The following TMTC3 variants were observed in gnomAD, a reference collection of about 807,000 sequenced individuals.
TMTC3 encodes the protein protein O-mannosyl-transferase TMTC3.
In TMTC3, 52 loss-of-function variants were observed where a neutral mutation model predicts 92.2. The ratio of observed to expected loss-of-function variants is 0.56; its 90% CI spans 0.45 to 0.71. TMTC3 has a LOEUF of 0.71. Among genes scored for constraint, TMTC3 ranks in the 30% least tolerant of loss-of-function variants. The pLI, the probability that TMTC3 is intolerant of heterozygous loss-of-function variation, is 0.00. For synonymous variants in TMTC3, 339 were observed against 363.3 expected (o/e 0.93, Z 0.76); for missense variants, 896 against 1,057.1 (o/e 0.85, Z 2.11).
chr12:88,173,392 T>C (rs1427319955), intron 8 of TMTC3, among the ~76,000 whole-genome samples: 1 of 152,002 alleles, frequency 6.6e-6, no homozygotes. Context: ...TCTTTCACTT[T>C]CCTATTTTCC....
rs1438650740 is a variant in TMTC3 at position 88,197,428 on chromosome 12, C to T, written c.*1779C>T. 5.9e-5 allele frequency: 9 copies of T among 152,066 alleles called. No homozygotes were observed. The highest frequency in any genetic ancestry group is 1.0e-4 in the Non-Finnish European group (7 of 67,802). 9.4% of individuals were successfully genotyped at this position (152,066 alleles called of 1,614,324 possible). A position where few individuals can be genotyped will look rare whatever the true frequency, so the allele number is the denominator to read the frequency against. ...TAAAAGATGGAGAATACCTCATGTA[C>T]TGTGACTTGAAAATGAATTCTTAAA... On this transcript the variant is annotated 3_prime_UTR_variant, in exon 14 of 14. Transcript: ENST00000266712.
rs756064214 is a variant in TMTC3 at position 88,160,703 on chromosome 12, A to G, written c.649A>G (p.Thr217Ala). ...GTATACTTTGCCATTACTATGTACT[A>G]CTGCTGGACAGTTTCTCCGTGGAAA... Reference protein sequence around the residue: ...QGYTLPLLCTTAGQFLRGKGS... With the variant: ...QGYTLPLLCTAAGQFLRGKGS... Residue 217 changes from threonine to alanine, a missense_variant, in exon 6 of 14, where the codon ACT becomes GCT. Coordinates refer to ENST00000266712, the MANE Select transcript of TMTC3 (RefSeq NM_181783.4). 3.1e-6 allele frequency: 5 copies of G among 1,613,352 alleles called. No individual in the cohort carries two copies. Among genetic ancestry groups the G allele is most frequent in the South Asian group, 2.2e-5 (2 of 90,912 alleles).
chr12:88,169,769 C>T (rs1016846552), intron 7 of TMTC3, among the ~76,000 whole-genome samples: 1 of 151,832 alleles, frequency 6.6e-6, no homozygotes, highest in Non-Finnish European at 1.5e-5. Flanking sequence ...TGAGATCCCA[C>T]CTCTAAAAAA....
At chr12:88,163,218 G>C (rs1481488973) in intron 6 of TMTC3, among the ~76,000 whole-genome samples, 1 of 152,068 alleles carries the variant, frequency 6.6e-6, no homozygotes, top group Admixed American at 6.6e-5. Context: ...ACCCAGCCCA[G>C]TCTTGCTTTT....
chr12:88,160,913 A>T, intron 6 of TMTC3, 62 bp downstream of exon 6: 1 of 1,450,164 alleles, frequency 6.9e-7, no homozygotes, highest in Non-Finnish European at 9.4e-7. Flanking sequence ...TTTAATGATC[A>T]TAAATGTTGA....
At chr12:88,142,711 A>G (rs918118506) in intron 1 of TMTC3, among the ~76,000 whole-genome samples, 6 of 152,170 alleles carry the variant, frequency 3.9e-5, no homozygotes, top group African/African-American at 1.4e-4. Flanking sequence ...ATCTGTCTTG[A>G]TAGTTAGAGT....
chr12:88,147,881 C>A (rs1441919810), intron 1 of TMTC3, among the ~76,000 whole-genome samples: 1 of 151,936 alleles, frequency 6.6e-6, no homozygotes, highest in African/African-American at 2.4e-5. Context: ...AATTTTGTGC[C>A]CAGTAGAAAA....
Position 88,160,725 on chromosome 12 carries a change from G to C in TMTC3, c.671G>C (p.Gly224Ala). 6.2e-7 allele frequency: 1 copy of C among 1,613,642 alleles called. No individual in the cohort carries two copies. Among genetic ancestry groups the C allele is most frequent in the South Asian group, 1.1e-5 (1 of 91,042 alleles). ...LCTTAGQFLR[G>A]KGSIPFSMLQ... Reference sequence around the variant, plus strand: ...ACTACTGCTGGACAGTTTCTCCGTGGAAAGGGTAGCATTCCATTTTCTATG... The same window carrying C: ...ACTACTGCTGGACAGTTTCTCCGTGCAAAGGGTAGCATTCCATTTTCTATG... Residue 224 changes from glycine (G) to alanine (A), a missense_variant, in exon 6 of 14, where the codon GGA (glycine) becomes GCA (alanine). Physicochemically the swap from Gly to Ala is moderately conservative, Grantham distance 60. Transcript: ENST00000266712.
intron 2 of TMTC3, among the ~76,000 whole-genome samples, chr12:88,152,370 A>C (rs1251967242): frequency 2.0e-5 from 3 of 152,090 alleles, no homozygotes; most frequent in Non-Finnish European, 4.4e-5. Context: ...TGGGGAAGAC[A>C]CCAAACCATT....
chr12:88,165,262 A>C (rs1438458980), intron 6 of TMTC3, among the ~76,000 whole-genome samples: 2 of 152,062 alleles, frequency 1.3e-5, no homozygotes, highest in African/African-American at 2.4e-5. Context: ...TTTTGACATT[A>C]ACTCTTTCTT....
In TMTC3 at chr12:88,172,578, C is replaced by CT; in HGVS notation, c.1051-17dup. 2 of 1,284,876 alleles carry CT rather than the reference C, an allele frequency of 1.6e-6. No homozygotes were observed. Among genetic ancestry groups the CT allele is most frequent in the Non-Finnish European group, 2.0e-6 (2 of 985,536 alleles). The allele number at this position is 1,284,876 out of a possible 1,614,324, so 79.6% of individuals were successfully genotyped here. ...TTAAATTTATTATAAATTATTAAAT[C>CT]TTCTTTTTTTTTTTGTAGGCGCTTT... On this transcript the variant is annotated intron_variant, in intron 7 of 13. Coordinates refer to ENST00000266712, the MANE Select transcript of TMTC3 (RefSeq NM_181783.4).
At position 88,192,830 on chromosome 12, in the gene TMTC3, G is replaced by A. The variant is rs1316669343; in HGVS notation, c.1933G>A (p.Gly645Ser). The change falls in exon 13 of 14, where the codon GGT becomes AGT. Residue 645 changes from glycine to serine, a missense_variant and splice_region_variant. Gly to Ser is a moderately conservative substitution (Grantham distance 56). Coordinates refer to ENST00000266712, the MANE Select transcript of TMTC3 (RefSeq NM_181783.4). ...CTCTGCTATAGTAATGCAAGAATCA[G>A]GTATGTTTTCTCAAAATATTTCTGT... The part of the protein sequence containing the change: ...FNSAIVMQES[G>S]EVKLRPEARK... 1 of 1,596,972 alleles carries A rather than the reference G, an allele frequency of 6.3e-7. No homozygotes were observed. Among genetic ancestry groups the A allele is most frequent in the East Asian group, 2.2e-5 (1 of 44,446 alleles).
intron 1 of TMTC3, among the ~76,000 whole-genome samples, chr12:88,147,258 C>T: frequency 6.6e-6 from 1 of 151,874 alleles, no homozygotes; most frequent in East Asian, 1.9e-4. Flanking sequence ...TTACTTTTTT[C>T]TTCTATTAAT....
intron 9 of TMTC3, among the ~76,000 whole-genome samples, chr12:88,175,581 T>A (rs1375676540): frequency 1.3e-5 from 2 of 152,162 alleles, no homozygotes; most frequent in African/African-American, 4.8e-5. Flanking sequence ...AAGTGAGACC[T>A]CATTACCATG....
intron 4 of TMTC3, among the ~76,000 whole-genome samples, chr12:88,155,127 C>A (rs1253252409): frequency 6.6e-6 from 1 of 152,158 alleles, no homozygotes; most frequent in Non-Finnish European, 1.5e-5. Flanking sequence ...GCCTTTGCTG[C>A]TCTGCATAAT....
At chr12:88,166,661 G>C in intron 7 of TMTC3, 79 bp downstream of exon 7, 1 of 1,454,338 alleles carries the variant, frequency 6.9e-7, no homozygotes, top group Non-Finnish European at 9.2e-7. Flanking sequence ...TTCAGCAAAA[G>C]CATCTTTTTA....
At chr12:88,155,135 A>C (rs2040991233) in intron 4 of TMTC3, among the ~76,000 whole-genome samples, 1 of 152,200 alleles carries the variant, frequency 6.6e-6, no homozygotes, top group African/African-American at 2.4e-5. Context: ...TGCTCTGCAT[A>C]ATGCCTTCTT....
intron 6 of TMTC3, among the ~76,000 whole-genome samples, chr12:88,163,583 C>T (rs2041105541): frequency 6.6e-6 from 1 of 152,134 alleles, no homozygotes; most frequent in East Asian, 1.9e-4. Context: ...GAATTTGTTC[C>T]ATAACTGTCT....
rs544705642 is a variant in TMTC3 at position 88,152,404 on chromosome 12, C to A, written c.190-887C>A. ...TTCATAAAGGACCCAACCCCAATGACCCAAACATCTCCCACCAGGCCCAAC... is the reference window on the plus strand; with the variant it reads ...TTCATAAAGGACCCAACCCCAATGAACCAAACATCTCCCACCAGGCCCAAC... On this transcript the variant is annotated intron_variant, in intron 2 of 13. Coordinates refer to ENST00000266712, the MANE Select transcript of TMTC3 (RefSeq NM_181783.4). Among the ~76,000 whole-genome samples, 4 of 152,254 alleles carry A rather than the reference C, an allele frequency of 2.6e-5. No individual in the cohort carries two copies. In the East Asian group the frequency reaches 7.7e-4, roughly 29 times the overall value.
Sources: gnomAD v4.1 joint callset for allele counts (sites outside exome capture counted in the v4.1 genomes callset) on GRCh38, gnomAD v4.1.1 for gene constraint, MANE v1.5 for transcripts, NCBI Gene and HGNC (gene_info 2026-07-23, HGNC 2026-07-21) for gene names.